The following PACSIN2 variants were observed in gnomAD, a reference collection of about 807,000 sequenced individuals.
PACSIN2 encodes protein kinase C and casein kinase substrate in neurons 2, also known as protein kinase C and casein kinase substrate in neurons protein 2.
A neutral mutation model predicts 63.8 loss-of-function variants in PACSIN2; 25 were observed. The observed-to-expected ratio is 0.39, with a 90% CI of 0.29 to 0.55. The LOEUF (loss-of-function observed/expected upper bound fraction) is 0.55. PACSIN2 is among the 20% of genes least tolerant of loss of function. PACSIN2 has a pLI of 0.62. For synonymous variants in PACSIN2, 255 were observed against 256.2 expected, an observed-to-expected ratio of 1.00 and a Z score of 0.05; for missense variants, 518 against 646.9, an observed-to-expected ratio of 0.80 and a Z score of 2.16.
At chr22:42,941,156 T>C (rs1033874743) in intron 1 of PACSIN2, among the ~76,000 whole-genome samples, 4 of 152,244 alleles carry the variant, frequency 2.6e-5, no homozygotes, top group East Asian at 1.9e-4. Context: ...GCTCTGGTGA[T>C]TGGCTTCCTT....
intron 1 of PACSIN2, among the ~76,000 whole-genome samples, chr22:42,960,635 C>T (rs778461299): frequency 1.3e-5 from 2 of 152,122 alleles, no homozygotes; most frequent in African/African-American, 2.4e-5. Context: ...ACATGCTGTA[C>T]GATTCCCTTT....
chr22:42,941,458 T>A (rs1339097697), intron 1 of PACSIN2, among the ~76,000 whole-genome samples: 1 of 152,198 alleles, frequency 6.6e-6, no homozygotes, highest in Non-Finnish European at 1.5e-5. Context: ...GTCAGGAGTT[T>A]CCAACATTCA....
intron 1 of PACSIN2, among the ~76,000 whole-genome samples, chr22:42,914,167 C>T (rs1413677009): frequency 6.6e-6 from 1 of 152,240 alleles, no homozygotes. Flanking sequence ...GGCAGCGTGT[C>T]ATCTGAACCA....
At chr22:42,888,856 G>T in intron 4 of PACSIN2, 58 bp from the exon 5 acceptor site, 1 of 1,558,732 alleles carries the variant, frequency 6.4e-7, no homozygotes, top group East Asian at 2.2e-5. Flanking sequence ...ATCCTCACTA[G>T]AAGTCACACA....
intron 1 of PACSIN2, among the ~76,000 whole-genome samples, chr22:42,957,160 A>G (rs1186953658): frequency 6.6e-6 from 1 of 152,214 alleles, no homozygotes; most frequent in African/African-American, 2.4e-5. Context: ...GGAGACTGAC[A>G]GAAAGTGCCC....
chr22:42,956,610 G>T (rs1366285295), intron 1 of PACSIN2, among the ~76,000 whole-genome samples: 16 of 152,148 alleles, frequency 1.1e-4, no homozygotes, highest in Non-Finnish European at 4.4e-5. Context: ...GATACTGGGG[G>T]ATGTTTCTTC....
intron 7 of PACSIN2, 75 bp from the exon 8 acceptor site, chr22:42,879,244 G>A (rs2073199): frequency 0.58 from 877,569 of 1,517,366 alleles, 259,909 homozygotes; most frequent in African/African-American, 0.89. Flanking sequence ...CTCAGTTCCT[G>A]CCCAGCGAGC....
intron 1 of PACSIN2, among the ~76,000 whole-genome samples, chr22:43,003,551 C>T (rs897950094): frequency 5.3e-5 from 8 of 152,158 alleles, no homozygotes; most frequent in South Asian, 2.1e-4. Flanking sequence ...TGCAGTGAGC[C>T]GAGATCGCGC....
rs530303374 is a variant in PACSIN2 at position 42,928,370 on chromosome 22, A to G, written c.-77-16213T>C. 4.2e-4 allele frequency among the ~76,000 whole-genome samples: 64 copies of G among 152,372 alleles called. 1 individual carries two copies. The South Asian group carries it at 0.011, about 27-fold the overall frequency. Reference sequence around the variant, plus strand: ...GAAATGGACAGAAGGAGGAAAGAAAAGAAGGTGTTCACATAAAACAAGACT... The same window carrying G: ...GAAATGGACAGAAGGAGGAAAGAAAGGAAGGTGTTCACATAAAACAAGACT... On this transcript the variant is annotated intron_variant, in intron 1 of 10. Transcript: ENST00000263246.
intron 2 of PACSIN2, among the ~76,000 whole-genome samples, chr22:42,905,184 G>A (rs933757415): frequency 5.9e-5 from 9 of 152,290 alleles, no homozygotes; most frequent in South Asian, 2.1e-4. Context: ...TTCCCTCAAC[G>A]CAAAAACCAA....
Position 42,871,585 on chromosome 22 carries a change from G to A in PACSIN2, c.1349-116C>T, listed in dbSNP as rs567700337. On this transcript the variant is annotated intron_variant, in intron 10 of 10. Coordinates refer to ENST00000263246, the MANE Select transcript of PACSIN2 (RefSeq NM_001184970.3). This position sits in a 1 kb window ranked among gnomAD's most constrained non-coding sequence, Gnocchi z 5.4. ...GGTGGAGGGCCAGGCATTCTGTGGC[G>A]GGCAGGCCGAGGGCCTGGTCATTTC... 34 of 811,654 alleles carry A rather than the reference G, an allele frequency of 4.2e-5. No individual in the cohort carries two copies. The highest frequency in any genetic ancestry group is 3.1e-4 in the South Asian group (22 of 71,120). 50.3% of individuals were successfully genotyped at this position (811,654 alleles called of 1,614,324 possible).
At chr22:42,999,158 G>A (rs1001644657) in intron 1 of PACSIN2, among the ~76,000 whole-genome samples, 1 of 152,308 alleles carries the variant, frequency 6.6e-6, no homozygotes, top group Admixed American at 6.5e-5. Flanking sequence ...AAAGAGCATT[G>A]TAACAACCCT....
chr22:42,909,703 G>A (rs960913999), intron 2 of PACSIN2: 2 of 405,642 alleles, frequency 4.9e-6, no homozygotes, highest in African/African-American at 4.1e-5. Flanking sequence ...TTAATTACTG[G>A]ACTTGTTAAA....
chr22:42,940,509 C>T (rs1196108016), intron 1 of PACSIN2, among the ~76,000 whole-genome samples: 1 of 152,192 alleles, frequency 6.6e-6, no homozygotes, highest in East Asian at 1.9e-4. Context: ...GGGAAAGAAG[C>T]CCAGTCTCCA....
At chr22:42,956,654 G>A (rs1195861122) in intron 1 of PACSIN2, among the ~76,000 whole-genome samples, 2 of 152,142 alleles carry the variant, frequency 1.3e-5, no homozygotes, top group Non-Finnish European at 2.9e-5. Context: ...GCCACTTCTA[G>A]AATCTGGTCT....
At chr22:42,976,049 T>C (rs886428078) in intron 1 of PACSIN2, among the ~76,000 whole-genome samples, 3 of 152,188 alleles carry the variant, frequency 2.0e-5, no homozygotes, top group African/African-American at 4.8e-5. Context: ...GTTCACAGCA[T>C]TGAGGCCTTC....
chr22:42,992,935 G>A (rs1032362704), intron 1 of PACSIN2, among the ~76,000 whole-genome samples: 5 of 152,166 alleles, frequency 3.3e-5, no homozygotes, highest in African/African-American at 9.7e-5. Flanking sequence ...AGGCTGAGGC[G>A]GGCAGATTGC....
intron 1 of PACSIN2, among the ~76,000 whole-genome samples, chr22:43,009,444 G>A (rs946027549): frequency 6.6e-6 from 1 of 152,242 alleles, no homozygotes; most frequent in African/African-American, 2.4e-5. Flanking sequence ...AGGGAGCTTA[G>A]AGATGGAATA....
chr22:42,981,710 G>A (rs1430268648), intron 1 of PACSIN2, among the ~76,000 whole-genome samples: 6 of 98,512 alleles, frequency 6.1e-5, no homozygotes, highest in African/African-American at 4.2e-5. Flanking sequence ...TCCTCTGCCC[G>A]GCCGCCCCTA....
Sources: gnomAD v4.1 joint callset for allele counts (sites outside exome capture counted in the v4.1 genomes callset) on GRCh38, gnomAD v4.1.1 for gene constraint, Gnocchi (gnomAD v3.1) non-coding constraint, MANE v1.5 for transcripts, NCBI Gene and HGNC (gene_info 2026-07-23, HGNC 2026-07-21) for gene names.